The following DLG2 variants were observed in gnomAD, a reference collection of about 807,000 sequenced individuals.
DLG2 encodes the protein disks large homolog 2.
DLG2 carries 45 observed loss-of-function variants against 132.5 expected under a neutral mutation model. That is an observed-to-expected ratio of 0.34 (90% CI 0.27 to 0.44). The LOEUF (loss-of-function observed/expected upper bound fraction) is 0.44, where lower values mean the gene tolerates loss of function less well. Ranked by LOEUF, DLG2 falls within the 20% of genes least tolerant of loss-of-function variation. The pLI, the probability that DLG2 is intolerant of heterozygous loss-of-function variation, is 1.00. For synonymous variants in DLG2, 424 were observed against 419.6 expected (o/e 1.01, Z -0.13); for missense variants, 1,045 against 1,196.9 (o/e 0.87, Z 1.87).
chr11:85,195,685 A>G (rs1380859251), intron 4 of DLG2, among the ~76,000 whole-genome samples: 17 of 151,570 alleles, frequency 1.1e-4, no homozygotes, highest in Non-Finnish European at 1.8e-4. Context: ...CATCACGCCC[A>G]GCTAATTTTT....
intron 14 of DLG2, among the ~76,000 whole-genome samples, chr11:83,951,218 A>G (rs957296809): frequency 6.6e-6 from 1 of 152,178 alleles, no homozygotes; most frequent in African/African-American, 2.4e-5. Flanking sequence ...CAATATCAAG[A>G]GTTCTGTAAA....
intron 3 of DLG2, among the ~76,000 whole-genome samples, chr11:85,324,592 T>C (rs574813612): frequency 2.0e-5 from 3 of 152,148 alleles, no homozygotes; most frequent in Non-Finnish European, 2.9e-5. Context: ...TTTATAAACA[T>C]TGCTCTATCT....
chr11:84,533,731 A>T (rs994239169), intron 7 of DLG2, among the ~76,000 whole-genome samples: 3 of 152,014 alleles, frequency 2.0e-5, no homozygotes, highest in Non-Finnish European at 4.4e-5. Flanking sequence ...GTTCTCGGTG[A>T]TGAAAGAAAT....
At chr11:83,961,951 C>G (rs572159261) in intron 14 of DLG2, among the ~76,000 whole-genome samples, 7 of 152,080 alleles carry the variant, frequency 4.6e-5, no homozygotes, top group African/African-American at 1.7e-4. Flanking sequence ...CCTGATATTG[C>G]AAAATAAATG....
At chr11:83,510,068 T>A (rs754085314) in intron 21 of DLG2, among the ~76,000 whole-genome samples, 2 of 152,220 alleles carry the variant, frequency 1.3e-5, no homozygotes, top group African/African-American at 2.4e-5. Context: ...TCCTTATCTA[T>A]GTGAGCTTAG....
At chr11:84,087,632 T>C (rs1435965182) in intron 10 of DLG2, among the ~76,000 whole-genome samples, 2 of 152,122 alleles carry the variant, frequency 1.3e-5, no homozygotes, top group Admixed American at 6.6e-5. Flanking sequence ...TCCTGGGGTG[T>C]CCAATATAAT....
intron 21 of DLG2, among the ~76,000 whole-genome samples, chr11:83,523,072 T>C (rs983944332): frequency 1.3e-5 from 2 of 152,230 alleles, no homozygotes; most frequent in African/African-American, 4.8e-5. Flanking sequence ...TATCTTTCAG[T>C]GTTGATGTTT....
chr11:85,478,355 T>C (rs1466807370), intron 3 of DLG2, among the ~76,000 whole-genome samples: 1 of 152,098 alleles, frequency 6.6e-6, no homozygotes, highest in Non-Finnish European at 1.5e-5. Context: ...ATTATTCTAA[T>C]AGAATTAAGT....
intron 6 of DLG2, among the ~76,000 whole-genome samples, chr11:84,774,042 A>T (rs2069926418): frequency 6.6e-6 from 1 of 152,152 alleles, no homozygotes; most frequent in South Asian, 2.1e-4. Flanking sequence ...TACCCTAAAG[A>T]TTTCAATAAA....
intron 3 of DLG2, among the ~76,000 whole-genome samples, chr11:85,454,517 C>A (rs2092355424): frequency 6.6e-6 from 1 of 152,088 alleles, no homozygotes; most frequent in South Asian, 2.1e-4. Context: ...TCGTGCTGTG[C>A]AAAAGCTGTT....
intron 7 of DLG2, among the ~76,000 whole-genome samples, chr11:84,525,181 A>G (rs1267155905): frequency 3.3e-5 from 5 of 152,004 alleles, no homozygotes; most frequent in Non-Finnish European, 7.4e-5. Flanking sequence ...CACAACTCCA[A>G]CTACACTGAA....
intron 18 of DLG2, among the ~76,000 whole-genome samples, chr11:83,771,366 C>G (rs2094385336): frequency 6.6e-6 from 1 of 152,054 alleles, no homozygotes; most frequent in Non-Finnish European, 1.5e-5. Flanking sequence ...ATTTCTTTTT[C>G]TTTTTTGTAG....
At chr11:84,912,871 G>C (rs1159342668) in intron 6 of DLG2, among the ~76,000 whole-genome samples, 1 of 152,240 alleles carries the variant, frequency 6.6e-6, no homozygotes, top group Non-Finnish European at 1.5e-5. Context: ...CTCTTGAACA[G>C]AGAAATGGAT....
At chr11:83,910,165 C>A (rs116262501) in intron 15 of DLG2, among the ~76,000 whole-genome samples, 1 of 152,148 alleles carries the variant, frequency 6.6e-6, no homozygotes, top group Non-Finnish European at 1.5e-5. Flanking sequence ...GGTGTCAAAC[C>A]TGTAGGAGAA....
intron 6 of DLG2, among the ~76,000 whole-genome samples, chr11:84,570,375 C>T (rs930369758): frequency 5.9e-5 from 9 of 152,148 alleles, no homozygotes; most frequent in South Asian, 4.1e-4. Flanking sequence ...TGTTCACCTA[C>T]GGCACTCAGT....
At chr11:83,790,457 C>T in intron 17 of DLG2, 3 of 1,177,382 alleles carry the variant, frequency 2.5e-6, no homozygotes, top group South Asian at 2.5e-5. Flanking sequence ...TTTTTAGCTC[C>T]TCTGTAAGGC....
chr11:84,769,021 A>G (rs2068848553), intron 6 of DLG2, among the ~76,000 whole-genome samples: 1 of 152,200 alleles, frequency 6.6e-6, no homozygotes, highest in Admixed American at 6.5e-5. Context: ...TAAAATAATT[A>G]GAAGTGCCAG....
At chr11:84,159,405 G>C (rs539158807) in intron 9 of DLG2, among the ~76,000 whole-genome samples, 4 of 152,248 alleles carry the variant, frequency 2.6e-5, no homozygotes, top group Admixed American at 2.0e-4. Flanking sequence ...TGATATTTGA[G>C]CAGATATTTA....
chr11:85,554,689 C>T (rs1032264771), intron 3 of DLG2, among the ~76,000 whole-genome samples: 1 of 151,862 alleles, frequency 6.6e-6, no homozygotes, highest in African/African-American at 2.4e-5. Flanking sequence ...GAGCTGAATT[C>T]TGCTAAGATG....
Sources: gnomAD v4.1 joint callset for allele counts (sites outside exome capture counted in the v4.1 genomes callset) on GRCh38, gnomAD v4.1.1 for gene constraint, MANE v1.5 for transcripts, NCBI Gene and HGNC (gene_info 2026-07-23, HGNC 2026-07-21) for gene names.